The following ARL15 variants were observed in gnomAD, a reference collection of about 807,000 sequenced individuals.
ARL15 encodes ARF like GTPase 15.
In ARL15, 19 loss-of-function variants were observed where a neutral mutation model predicts 25.2. That is an observed-to-expected ratio of 0.75 (90% CI 0.53 to 1.10). ARL15 has a LOEUF of 1.10. Ranked by LOEUF, ARL15 falls within the 50% of genes least tolerant of loss-of-function variation. The probability of loss-of-function intolerance (pLI) is 0.00; values close to 1 mark genes in which losing one functional copy is unlikely to be tolerated. For missense variants in ARL15, 220 were observed against 246.0 expected, an observed-to-expected ratio of 0.89 and a Z score of 0.71; for synonymous variants, 94 against 86.8, an observed-to-expected ratio of 1.08 and a Z score of -0.46.
chr5:54,194,318 G>T (rs528268917), intron 1 of ARL15, among the ~76,000 whole-genome samples: 5 of 152,130 alleles, frequency 3.3e-5, no homozygotes, highest in Admixed American at 2.6e-4. Context: ...ACATAGGCAA[G>T]GATAAAAGAT....
At chr5:54,249,255 C>T (rs1246936222) in intron 1 of ARL15, among the ~76,000 whole-genome samples, 1 of 152,024 alleles carries the variant, frequency 6.6e-6, no homozygotes, top group African/African-American at 2.4e-5. Context: ...GTAGTAGAGT[C>T]CAACTAATGA....
chr5:54,198,095 AC>A (rs1373592122), intron 1 of ARL15, among the ~76,000 whole-genome samples: 3 of 151,970 alleles, frequency 2.0e-5, no homozygotes, highest in Non-Finnish European at 2.9e-5. Context: ...AAATTCAACA[AC>A]CCTTCATGTT....
chr5:53,990,106 T>TG (rs1362779046), intron 4 of ARL15, among the ~76,000 whole-genome samples: 1 of 152,112 alleles, frequency 6.6e-6, no homozygotes, highest in Non-Finnish European at 1.5e-5. Context: ...CACACGCCTG[T>TG]GGTCCCAGCT....
intron 4 of ARL15, among the ~76,000 whole-genome samples, chr5:53,935,674 G>T (rs963203250): frequency 6.6e-6 from 1 of 152,186 alleles, no homozygotes; most frequent in Non-Finnish European, 1.5e-5. Flanking sequence ...CATCTGATTT[G>T]CATGTTGACA....
chr5:54,127,876 C>A (rs1180341289), intron 3 of ARL15, among the ~76,000 whole-genome samples: 1 of 151,788 alleles, frequency 6.6e-6, no homozygotes, highest in Non-Finnish European at 1.5e-5. Context: ...ATATCTACAA[C>A]TATCTGATCT....
intron 4 of ARL15, among the ~76,000 whole-genome samples, chr5:53,964,516 T>C (rs754703103): frequency 5.6e-4 from 85 of 152,156 alleles, no homozygotes; most frequent in South Asian, 2.7e-3. Flanking sequence ...CCCACCACCA[T>C]GCCTGGCTAA....
chr5:53,992,968 C>T (rs911428863), intron 4 of ARL15, among the ~76,000 whole-genome samples: 1 of 152,086 alleles, frequency 6.6e-6, no homozygotes, highest in African/African-American at 2.4e-5. Context: ...ATCGCTTGAA[C>T]CCGGGAGGTG....
chr5:54,027,338 G>T (rs1300909641), intron 4 of ARL15, among the ~76,000 whole-genome samples: 2 of 152,232 alleles, frequency 1.3e-5, no homozygotes, highest in Non-Finnish European at 2.9e-5. Flanking sequence ...GTCTTAACCA[G>T]TCGGAAGGCA....
At chr5:54,127,186 T>G (rs1411331116) in intron 3 of ARL15, among the ~76,000 whole-genome samples, 1 of 152,244 alleles carries the variant, frequency 6.6e-6, no homozygotes, top group Non-Finnish European at 1.5e-5. Context: ...TCATTTTTTA[T>G]GGCTGCATAG....
At chr5:54,099,410 C>A (rs1267408397) in intron 4 of ARL15, among the ~76,000 whole-genome samples, 1 of 151,996 alleles carries the variant, frequency 6.6e-6, no homozygotes, top group Non-Finnish European at 1.5e-5. Flanking sequence ...TTTCTGCCCG[C>A]AATACCACAT....
At chr5:53,996,441 A>C (rs1451674749) in intron 4 of ARL15, among the ~76,000 whole-genome samples, 1 of 152,124 alleles carries the variant, frequency 6.6e-6, no homozygotes. Context: ...CAGCATGGCA[A>C]AACTCCGTCT....
intron 4 of ARL15, among the ~76,000 whole-genome samples, chr5:54,041,836 G>C (rs1561199545): frequency 6.6e-6 from 1 of 152,216 alleles, no homozygotes; most frequent in Non-Finnish European, 1.5e-5. Flanking sequence ...CAGAGAAAAG[G>C]CGGAGCAAGG....
At chr5:53,993,641 T>C (rs1360082519) in intron 4 of ARL15, among the ~76,000 whole-genome samples, 1 of 152,188 alleles carries the variant, frequency 6.6e-6, no homozygotes, top group Non-Finnish European at 1.5e-5. Context: ...CCTCCCTCCT[T>C]AGAGTTTTAT....
Position 54,267,593 on chromosome 5 carries a change from T to TA in ARL15, c.48+42838dup, listed in dbSNP as rs1757663854. Among the ~76,000 whole-genome samples, 3 of 152,240 alleles carry TA rather than the reference T, an allele frequency of 2.0e-5. No individual in the cohort carries two copies. In the South Asian group the frequency reaches 6.2e-4, roughly 32 times the overall value. On this transcript the variant is annotated intron_variant, in intron 1 of 4. Transcript: ENST00000504924. ...ACTGTTAATCATTCCCTTACATTGATAAAAATCTCTCTAGGTATCACAGAG... is the reference window on the plus strand; with the variant it reads ...ACTGTTAATCATTCCCTTACATTGATAAAAAATCTCTCTAGGTATCACAGAG...
intron 4 of ARL15, among the ~76,000 whole-genome samples, chr5:54,040,293 G>C (rs1229879140): frequency 6.6e-6 from 1 of 152,136 alleles, no homozygotes; most frequent in Non-Finnish European, 1.5e-5. Flanking sequence ...TTTAATGAAA[G>C]AAAGCTCATA....
chr5:54,030,760 G>A (rs565907505), intron 4 of ARL15, among the ~76,000 whole-genome samples: 151 of 152,278 alleles, frequency 9.9e-4, no homozygotes, highest in African/African-American at 3.5e-3. Flanking sequence ...ATGATATCAA[G>A]ATGAGAATTA....
At chr5:53,942,758 AC>A (rs1746586155) in intron 4 of ARL15, among the ~76,000 whole-genome samples, 1 of 152,140 alleles carries the variant, frequency 6.6e-6, no homozygotes, top group Non-Finnish European at 1.5e-5. Flanking sequence ...ACAAAACAAA[AC>A]AAAACAAAAC....
In ARL15 at chr5:53,913,453, C is replaced by A. The variant is rs142377313; in HGVS notation, c.463-26740G>T. ...TTCTTTCTCCTAGAAGGCCCTCTGT[C>A]CTGTTTCTTGTGAGTGGTAGTTTAG... On this transcript the variant is annotated intron_variant, in intron 4 of 4. Transcript: ENST00000504924. Among the ~76,000 whole-genome samples, 804 of 152,284 alleles carry A rather than the reference C, an allele frequency of 5.3e-3. 4 individuals are homozygous for A. Among genetic ancestry groups the A allele is most frequent in the Non-Finnish European group, 0.01 (684 of 68,022 alleles).
At chr5:54,004,020 TA>T (rs1429055258) in intron 4 of ARL15, among the ~76,000 whole-genome samples, 1 of 152,150 alleles carries the variant, frequency 6.6e-6, no homozygotes, top group Admixed American at 6.5e-5. Context: ...AACTCCACCT[TA>T]AAATCTCACA....
Sources: allele counts gnomAD v4.1 joint callset (sites outside exome capture counted in the v4.1 genomes callset), GRCh38; gene constraint gnomAD v4.1.1; transcripts MANE v1.5; gene names NCBI Gene and HGNC (gene_info 2026-07-23, HGNC 2026-07-21).